The following CACNA1E variants were observed in gnomAD, a reference collection of about 807,000 sequenced individuals.
CACNA1E encodes the protein voltage-dependent R-type calcium channel subunit alpha-1E.
Under a neutral mutation model 259.2 loss-of-function variants are expected in CACNA1E, and 40 were observed. That is an observed-to-expected ratio of 0.15 (90% CI 0.12 to 0.20). CACNA1E has a LOEUF of 0.20. CACNA1E is among the 10% of genes least tolerant of loss of function. The pLI, the probability that CACNA1E is intolerant of heterozygous loss-of-function variation, is 1.00. For synonymous variants in CACNA1E, 1,104 were observed against 1,138.5 expected (o/e 0.97, Z 0.61); for missense variants, 1,874 against 3,040.1 (o/e 0.62, Z 9.02).
intron 6 of CACNA1E, among the ~76,000 whole-genome samples, chr1:181,601,112 C>T (rs1429779517): frequency 1.3e-5 from 2 of 152,028 alleles, no homozygotes; most frequent in African/African-American, 4.8e-5. Flanking sequence ...AATAGGAATT[C>T]CCACTACCAC....
At chr1:181,704,323 A>G (rs992127603) in intron 7 of CACNA1E, among the ~76,000 whole-genome samples, 2 of 152,178 alleles carry the variant, frequency 1.3e-5, no homozygotes, top group Non-Finnish European at 2.9e-5. Flanking sequence ...GAAGAGGCTC[A>G]CCCTAACCCC....
chr1:181,348,351 G>A (rs928319498), intron 1 of CACNA1E, among the ~76,000 whole-genome samples: 1 of 152,078 alleles, frequency 6.6e-6, no homozygotes, highest in African/African-American at 2.4e-5. Flanking sequence ...CAAGCCTGAG[G>A]TCTCTGTGAG....
intron 26 of CACNA1E, among the ~76,000 whole-genome samples, chr1:181,751,501 G>C (rs538439507): frequency 1.3e-5 from 2 of 152,338 alleles, no homozygotes; most frequent in East Asian, 3.9e-4. Context: ...GTCCTAGCTA[G>C]AAGCCTGCAT....
intron 7 of CACNA1E, among the ~76,000 whole-genome samples, chr1:181,686,411 C>T (rs761246598): frequency 2.2e-4 from 33 of 150,522 alleles, no homozygotes; most frequent in Non-Finnish European, 3.8e-4. Flanking sequence ...CTCAGCCTCC[C>T]GAGTAGCTGG....
At chr1:181,422,196 T>C (rs1273573486) in intron 2 of CACNA1E, among the ~76,000 whole-genome samples, 1 of 152,148 alleles carries the variant, frequency 6.6e-6, no homozygotes, top group Non-Finnish European at 1.5e-5. Context: ...CTGTGCCATA[T>C]CACCTATGCA....
At chr1:181,477,128 TC>T (rs1331276690) in intron 2 of CACNA1E, among the ~76,000 whole-genome samples, 3 of 152,130 alleles carry the variant, frequency 2.0e-5, no homozygotes, top group Admixed American at 6.5e-5. Context: ...ACTAATTAAC[TC>T]CATGCATCTT....
chr1:181,345,068 T>A, intron 1 of CACNA1E, among the ~76,000 whole-genome samples: 1 of 152,184 alleles, frequency 6.6e-6, no homozygotes, highest in East Asian at 1.9e-4. Context: ...CTTAGCCAGC[T>A]CCCTGTTACC....
intron 3 of CACNA1E, among the ~76,000 whole-genome samples, chr1:181,519,214 A>G (rs1011916176): frequency 1.3e-5 from 2 of 152,204 alleles, no homozygotes; most frequent in Non-Finnish European, 2.9e-5. Flanking sequence ...GAATTAAAGG[A>G]ACTGTTTACA....
chr1:181,744,429 C>G (rs1336308350), intron 25 of CACNA1E, among the ~76,000 whole-genome samples: 1 of 152,170 alleles, frequency 6.6e-6, no homozygotes, highest in African/African-American at 2.4e-5. Flanking sequence ...ATATGGTCCT[C>G]TGGTTCCGGA....
chr1:181,522,516 G>A (rs1667064814), intron 3 of CACNA1E, among the ~76,000 whole-genome samples: 1 of 152,214 alleles, frequency 6.6e-6, no homozygotes, highest in Non-Finnish European at 1.5e-5. Flanking sequence ...CAACCCACAT[G>A]CTTGTTTATG....
intron 1 of CACNA1E, among the ~76,000 whole-genome samples, chr1:181,507,141 T>G (rs1194230213): frequency 6.6e-6 from 1 of 152,112 alleles, no homozygotes; most frequent in African/African-American, 2.4e-5. Flanking sequence ...GGAGAGGAAG[T>G]GAGAATAGGG....
intron 1 of CACNA1E, among the ~76,000 whole-genome samples, chr1:181,373,577 G>A (rs1654861142): frequency 7.5e-6 from 1 of 132,818 alleles, no homozygotes; most frequent in African/African-American, 2.9e-5. Flanking sequence ...TCGCTCTGTC[G>A]CCCAGGCTGG....
At chr1:181,456,631 G>A (rs1399254381) in intron 2 of CACNA1E, among the ~76,000 whole-genome samples, 1 of 152,216 alleles carries the variant, frequency 6.6e-6, no homozygotes, top group Non-Finnish European at 1.5e-5. Context: ...GCTAAGAGCA[G>A]TAGATCTGTT....
At chr1:181,710,869 T>C in intron 7 of CACNA1E, 85 bp from the exon 8 acceptor site, 1 of 961,410 alleles carries the variant, frequency 1.0e-6, no homozygotes, top group Non-Finnish European at 1.7e-6. Context: ...CTTGCTCAGA[T>C]GCTCTCTCTC....
At chr1:181,430,237 G>A (rs577695740) in intron 2 of CACNA1E, among the ~76,000 whole-genome samples, 4 of 152,290 alleles carry the variant, frequency 2.6e-5, no homozygotes, top group Admixed American at 6.5e-5. Context: ...GGAGTTCTTC[G>A]TTTCATGACC....
intron 3 of CACNA1E, among the ~76,000 whole-genome samples, chr1:181,558,771 C>T (rs1273602635): frequency 6.6e-6 from 1 of 152,102 alleles, no homozygotes; most frequent in African/African-American, 2.4e-5. Context: ...AGAAAGATCA[C>T]TCTAGTAATG....
rs548579889 is a variant in CACNA1E, at chr1:181,736,449, C to A, written c.3422+15C>A. The A allele has an allele frequency of 6.2e-7, 1 of 1,607,406 alleles. No homozygotes were observed. Among genetic ancestry groups the A allele is most frequent in the African/African-American group, 1.3e-5 (1 of 74,772 alleles). ...ACCACCAACCCGTAAGCCACCCTCG[C>A]GTTGCTCCCTCTTTAGTGCTAGGGT... is the stretch of plus-strand genomic sequence containing the variant. On this transcript the variant is annotated intron_variant, in intron 22 of 47. Transcript: ENST00000367573.
intron 32 of CACNA1E, among the ~76,000 whole-genome samples, chr1:181,761,284 CCTTTTCTTT>C (rs1196271476): frequency 2.3e-4 from 35 of 152,312 alleles, no homozygotes; most frequent in Admixed American, 8.5e-4. Context: ...TCTCCACATT[CCTTTTCTTT>C]CTTTATTGGG....
intron 1 of CACNA1E, among the ~76,000 whole-genome samples, chr1:181,347,617 C>T (rs1338722327): frequency 6.6e-6 from 1 of 152,250 alleles, no homozygotes; most frequent in Non-Finnish European, 1.5e-5. Context: ...TCCTCCTCCA[C>T]CAGTGACTCG....
Sources: allele counts gnomAD v4.1 joint callset (sites outside exome capture counted in the v4.1 genomes callset), GRCh38; gene constraint gnomAD v4.1.1; transcripts MANE v1.5; gene names NCBI Gene and HGNC (gene_info 2026-07-23, HGNC 2026-07-21).